ESRRG: variants seen among roughly 807,000 people sequenced by gnomAD.
The protein encoded by ESRRG is estrogen-related receptor gamma.
A neutral mutation model predicts 44.0 loss-of-function variants in ESRRG; 13 were observed. That is an observed-to-expected ratio of 0.30 (90% confidence interval 0.19 to 0.47). The LOEUF (loss-of-function observed/expected upper bound fraction) is 0.47, where lower values mean the gene tolerates loss of function less well. ESRRG is among the 20% of genes least tolerant of loss of function. The pLI is 1.00. For synonymous variants in ESRRG, 215 were observed against 214.6 expected (o/e 1.00, Z -0.02); for missense variants, 395 against 580.6 (o/e 0.68, Z 3.29).
chr1:216,696,895 G>A (rs957416713), intron 1 of ESRRG, among the ~76,000 whole-genome samples: 1 of 152,014 alleles, frequency 6.6e-6, no homozygotes, highest in Admixed American at 6.5e-5. Context: ...AGATAAAATA[G>A]GTATCAAATC....
chr1:216,993,355 A>G (rs1341940611), intron 1 of ESRRG, among the ~76,000 whole-genome samples: 7 of 152,118 alleles, frequency 4.6e-5, no homozygotes, highest in Admixed American at 2.0e-4. Context: ...TGAAATCTCC[A>G]CTTCTCACTT....
intron 6 of ESRRG, among the ~76,000 whole-genome samples, chr1:216,510,778 G>C (rs562838807): frequency 6.6e-6 from 1 of 152,024 alleles, no homozygotes; most frequent in Non-Finnish European, 1.5e-5. Context: ...CCAGCTACTC[G>C]GGAGGCTGAG....
chr1:216,658,764 C>G (rs374928527), intron 2 of ESRRG, among the ~76,000 whole-genome samples: 2 of 151,410 alleles, frequency 1.3e-5, no homozygotes, highest in East Asian at 3.9e-4. Flanking sequence ...ACCCAGAAGG[C>G]GGAGGTTGGA....
At chr1:216,656,085 G>A (rs1183944184) in intron 2 of ESRRG, among the ~76,000 whole-genome samples, 7 of 152,254 alleles carry the variant, frequency 4.6e-5, no homozygotes, top group East Asian at 1.9e-4. Flanking sequence ...GAAACTAGAC[G>A]AAAATATTTC....
At chr1:217,012,879 T>C (rs34701053) in intron 1 of ESRRG, among the ~76,000 whole-genome samples, 4,766 of 152,296 alleles carry the variant, frequency 0.031, 116 homozygotes, top group Non-Finnish European at 0.048. Flanking sequence ...CAGTAATATA[T>C]TATCTCAGCT....
chr1:216,800,714 T>C (rs2094588586), intron 2 of ESRRG, among the ~76,000 whole-genome samples: 6 of 152,130 alleles, frequency 3.9e-5, no homozygotes, highest in Admixed American at 3.9e-4. Context: ...AATTTAGTAC[T>C]CCATTTCACA....
chr1:217,133,690 T>C (rs572677082), intron 1 of ESRRG, among the ~76,000 whole-genome samples: 2 of 150,584 alleles, frequency 1.3e-5, no homozygotes, highest in African/African-American at 4.9e-5. Flanking sequence ...TTTCTAACTG[T>C]GCTTTTACTT....
intron 2 of ESRRG, among the ~76,000 whole-genome samples, chr1:216,788,407 T>A (rs2094202666): frequency 1.3e-5 from 2 of 152,118 alleles, no homozygotes; most frequent in South Asian, 4.1e-4. Flanking sequence ...ATTCTATCAG[T>A]GCAACAACAA....
intron 1 of ESRRG, chr1:216,707,338 A>C: frequency 6.5e-7 from 1 of 1,535,712 alleles, no homozygotes; most frequent in Non-Finnish European, 8.7e-7. Context: ...AGTCTTCACA[A>C]AGAAAAATAA....
intron 3 of ESRRG, among the ~76,000 whole-genome samples, chr1:216,603,893 A>G (rs990726317): frequency 9.2e-5 from 14 of 151,394 alleles, no homozygotes; most frequent in African/African-American, 3.4e-4. Flanking sequence ...AGATGGTGCC[A>G]TTACACTCCA....
chr1:217,026,350 C>T (rs776017772), intron 1 of ESRRG, among the ~76,000 whole-genome samples: 10 of 152,204 alleles, frequency 6.6e-5, no homozygotes, highest in Admixed American at 1.3e-4. Flanking sequence ...AGCAGAGAAT[C>T]AGAACCAAAT....
intron 1 of ESRRG, among the ~76,000 whole-genome samples, chr1:216,977,982 G>C (rs1025429945): frequency 1.3e-5 from 2 of 152,046 alleles, no homozygotes; most frequent in Non-Finnish European, 2.9e-5. Flanking sequence ...CAGTAAGAAG[G>C]CCCTTGTCAG....
chr1:216,622,908 G>A (rs553779034), intron 3 of ESRRG, among the ~76,000 whole-genome samples: 12 of 151,834 alleles, frequency 7.9e-5, no homozygotes, highest in African/African-American at 2.7e-4. Flanking sequence ...GGAAATAAAG[G>A]AAAAAGGGAG....
chr1:216,760,357 T>C (rs2092703354), intron 2 of ESRRG, among the ~76,000 whole-genome samples: 1 of 151,836 alleles, frequency 6.6e-6, no homozygotes, highest in African/African-American at 2.4e-5. Context: ...AGAATATAAA[T>C]AAGCATATAT....
At chr1:217,128,489 T>A (rs1034090310) in intron 1 of ESRRG, among the ~76,000 whole-genome samples, 1 of 152,326 alleles carries the variant, frequency 6.6e-6, no homozygotes, top group African/African-American at 2.4e-5. Context: ...CTGTCAACCT[T>A]TTGATTTTCC....
intron 1 of ESRRG, among the ~76,000 whole-genome samples, chr1:216,971,928 C>A (rs1434006758): frequency 6.6e-6 from 1 of 152,192 alleles, no homozygotes; most frequent in Non-Finnish European, 1.5e-5. Context: ...TTGTGAATTA[C>A]TAAACAATCA....
intron 2 of ESRRG, among the ~76,000 whole-genome samples, chr1:216,890,308 A>G (rs2057603641): frequency 6.6e-6 from 1 of 152,134 alleles, no homozygotes; most frequent in African/African-American, 2.4e-5. Flanking sequence ...CAATAAACTG[A>G]ACTTGATTGC....
chr1:217,065,326 G>A (rs1013518946), intron 1 of ESRRG, among the ~76,000 whole-genome samples: 1 of 152,206 alleles, frequency 6.6e-6, no homozygotes, highest in South Asian at 2.1e-4. Context: ...AGCAAATCTA[G>A]TTAACTTCCC....
intron 6 of ESRRG, among the ~76,000 whole-genome samples, chr1:216,517,270 G>A (rs990566856): frequency 2.0e-5 from 3 of 152,114 alleles, no homozygotes; most frequent in Non-Finnish European, 2.9e-5. Context: ...ACTGCTGTGA[G>A]GTAGTCACTT....
Sources: allele counts gnomAD v4.1 joint callset (sites outside exome capture counted in the v4.1 genomes callset), GRCh38; gene constraint gnomAD v4.1.1; transcripts MANE v1.5; gene names NCBI Gene and HGNC (gene_info 2026-07-23, HGNC 2026-07-21).